Variants in TAFA2 observed in about 807,000 individuals in gnomAD.
The protein encoded by TAFA2 is TAFA chemokine like family member 2.
Under a neutral mutation model 18.8 loss-of-function variants are expected in TAFA2, and 7 were observed. That is an observed-to-expected ratio of 0.37 (90% CI 0.21 to 0.70). The LOEUF is 0.70. Ranked by LOEUF, TAFA2 falls within the 30% of genes least tolerant of loss-of-function variation. The pLI is 0.53. For missense variants in TAFA2, 122 were observed against 158.1 expected, an observed-to-expected ratio of 0.77 and a Z score of 1.23; for synonymous variants, 60 against 54.2, an observed-to-expected ratio of 1.11 and a Z score of -0.47.
chr12:62,233,974 G>A (rs1414055695), intron 1 of TAFA2, among the ~76,000 whole-genome samples: 1 of 152,302 alleles, frequency 6.6e-6, no homozygotes, highest in Admixed American at 6.5e-5. Flanking sequence ...AGCCTGTAGA[G>A]GACCAGCTTA....
At chr12:62,029,460 G>A (rs1308539248) in intron 1 of TAFA2, among the ~76,000 whole-genome samples, 1 of 152,170 alleles carries the variant, frequency 6.6e-6, no homozygotes, top group African/African-American at 2.4e-5. Context: ...TTAGCAGGTT[G>A]TCTGCTTGCA....
chr12:62,254,232 T>C (rs1434563614), intron 1 of TAFA2, among the ~76,000 whole-genome samples: 3 of 152,204 alleles, frequency 2.0e-5, no homozygotes, highest in Non-Finnish European at 4.4e-5. Flanking sequence ...TATAAATCAT[T>C]ACTACTATAT....
At chr12:61,815,672 A>G (rs1872053006) in intron 2 of TAFA2, among the ~76,000 whole-genome samples, 1 of 151,238 alleles carries the variant, frequency 6.6e-6, no homozygotes, top group Admixed American at 6.6e-5. Flanking sequence ...AAAAAAAAAA[A>G]AAAAGTAGGC....
intron 1 of TAFA2, among the ~76,000 whole-genome samples, chr12:62,101,867 A>C (rs1030935974): frequency 6.6e-6 from 1 of 152,370 alleles, no homozygotes; most frequent in East Asian, 1.9e-4. Flanking sequence ...AAGAACCCAC[A>C]GGAAAAGGAA....
chr12:61,882,602 G>C (rs1165572850), intron 1 of TAFA2, among the ~76,000 whole-genome samples: 2 of 152,102 alleles, frequency 1.3e-5, no homozygotes, highest in African/African-American at 4.8e-5. Context: ...CTTTCACCAA[G>C]ATCAGTACCA....
chr12:61,755,388 A>T (rs566709855), intron 2 of TAFA2, among the ~76,000 whole-genome samples: 1 of 152,082 alleles, frequency 6.6e-6, no homozygotes, highest in East Asian at 1.9e-4. Context: ...TGGCCTAGGT[A>T]CCCTGCAATG....
chr12:62,000,630 A>C (rs371114963), intron 1 of TAFA2, among the ~76,000 whole-genome samples: 1 of 117,280 alleles, frequency 8.5e-6, no homozygotes, highest in Non-Finnish European at 1.9e-5. Context: ...ACACAAAAAA[A>C]TGTACAAAGG....
chr12:61,834,206 T>C (rs1267543431), intron 2 of TAFA2, among the ~76,000 whole-genome samples: 1 of 151,976 alleles, frequency 6.6e-6, no homozygotes, highest in Non-Finnish European at 1.5e-5. Flanking sequence ...TCTGCCCCAA[T>C]CTCCACCGTT....
At chr12:61,804,643 A>C (rs527660554) in intron 2 of TAFA2, among the ~76,000 whole-genome samples, 1 of 152,196 alleles carries the variant, frequency 6.6e-6, no homozygotes, top group South Asian at 2.1e-4. Flanking sequence ...CTATGAAACA[A>C]GTTTCTACAG....
chr12:62,190,475 T>C lies in TAFA2; in HGVS notation c.-2+784A>G, dbSNP rs537150838. ...AGTTAGCAGAAAACCCGGGTACTAGTAGCAAGATCCGGGAGACATCTAACC... is the reference window on the plus strand; with the variant it reads ...AGTTAGCAGAAAACCCGGGTACTAGCAGCAAGATCCGGGAGACATCTAACC... On this transcript the variant is annotated intron_variant, in intron 1 of 4. Coordinates refer to ENST00000416284, the MANE Select transcript of TAFA2 (RefSeq NM_178539.5). Among the ~76,000 whole-genome samples the C allele has an allele frequency of 7.9e-5, 12 of 152,258 alleles. No homozygotes were observed. In the South Asian group the frequency reaches 2.1e-3, roughly 26 times the overall value.
chr12:62,256,933 G>C (rs2062942003), intron 1 of TAFA2, among the ~76,000 whole-genome samples: 1 of 152,072 alleles, frequency 6.6e-6, no homozygotes, highest in African/African-American at 2.4e-5. Flanking sequence ...TAAGATAAAA[G>C]AATGAAAGGT....
chr12:62,199,645 G>A (rs372575018), intron 1 of TAFA2, among the ~76,000 whole-genome samples: 2 of 151,534 alleles, frequency 1.3e-5, no homozygotes, highest in African/African-American at 4.9e-5. Flanking sequence ...TGTCTTTATC[G>A]AGTCTATCAC....
At chr12:61,939,536 A>G (rs907104771) in intron 1 of TAFA2, among the ~76,000 whole-genome samples, 1 of 152,184 alleles carries the variant, frequency 6.6e-6, no homozygotes, top group Non-Finnish European at 1.5e-5. Context: ...TGGCAGTTCT[A>G]CCCTTAACTA....
intron 2 of TAFA2, among the ~76,000 whole-genome samples, chr12:61,837,740 C>G (rs1237587743): frequency 1.3e-5 from 2 of 151,872 alleles, no homozygotes; most frequent in Non-Finnish European, 2.9e-5. Flanking sequence ...TACATTCTAG[C>G]AGGGGGTGGG....
chr12:61,955,881 G>A (rs1878679364), intron 1 of TAFA2, among the ~76,000 whole-genome samples: 1 of 151,224 alleles, frequency 6.6e-6, no homozygotes, highest in Non-Finnish European at 1.5e-5. Context: ...TTTTTGGGGG[G>A]CCAGGAAGCT....
rs1475833730 is a variant in TAFA2, at chr12:62,216,972, T to C, written c.-130+41791A>G. Among the ~76,000 whole-genome samples, 4 of 152,154 alleles carry C rather than the reference T, an allele frequency of 2.6e-5. No individual in the cohort carries two copies. In the East Asian group the frequency reaches 5.8e-4, roughly 22 times the overall value. On this transcript the variant is annotated intron_variant, in intron 1 of 5. Coordinates refer to the TAFA2 transcript ENST00000551619. ...GTTCAGGGAAATGCCATGTAGGTAGTATATGGGAGTCCAGTGATCTGGTAC... is the reference window on the plus strand; with the variant it reads ...GTTCAGGGAAATGCCATGTAGGTAGCATATGGGAGTCCAGTGATCTGGTAC...
At chr12:61,932,853 T>A (rs1877617376) in intron 1 of TAFA2, among the ~76,000 whole-genome samples, 1 of 152,188 alleles carries the variant, frequency 6.6e-6, no homozygotes, top group Non-Finnish European at 1.5e-5. Context: ...AGCTGCCTTC[T>A]TCCTGGCAGA....
intron 1 of TAFA2, among the ~76,000 whole-genome samples, chr12:62,206,624 C>T (rs1361753900): frequency 6.6e-6 from 1 of 152,070 alleles, no homozygotes; most frequent in African/African-American, 2.4e-5. Context: ...ATCTTCCAGG[C>T]TCAAGAGAGC....
At chr12:62,100,319 T>C (rs1869140067) in intron 1 of TAFA2, among the ~76,000 whole-genome samples, 1 of 152,128 alleles carries the variant, frequency 6.6e-6, no homozygotes, top group Non-Finnish European at 1.5e-5. Flanking sequence ...GAAACCACTA[T>C]GTCAGAGGCC....
Sources: allele counts gnomAD v4.1 joint callset (sites outside exome capture counted in the v4.1 genomes callset), GRCh38; gene constraint gnomAD v4.1.1; transcripts MANE v1.5; gene names NCBI Gene and HGNC (gene_info 2026-07-23, HGNC 2026-07-21).